Variants in MEIS2 observed in about 807,000 individuals in gnomAD.
MEIS2 encodes the protein Meis homeobox 2.
In MEIS2, 9 loss-of-function variants were observed where a neutral mutation model predicts 58.6. The observed-to-expected ratio is 0.15, with a 90% CI of 0.09 to 0.27. The LOEUF (loss-of-function observed/expected upper bound fraction) is 0.27, where lower values mean the gene tolerates loss of function less well. Among genes scored for constraint, MEIS2 ranks in the 10% least tolerant of loss-of-function variants. MEIS2 has a pLI of 1.00. For synonymous variants in MEIS2, 221 were observed against 228.4 expected, an observed-to-expected ratio of 0.97 and a Z score of 0.29; for missense variants, 427 against 635.0, an observed-to-expected ratio of 0.67 and a Z score of 3.52.
intron 9 of MEIS2, chr15:36,897,073 T>G: frequency 5.2e-6 from 1 of 190,874 alleles, no homozygotes; most frequent in East Asian, 1.3e-4. Context: ...CAGCTGGTCA[T>G]AAATGGAGAC....
At chr15:36,912,067 A>C (rs2057054672) in intron 9 of MEIS2, among the ~76,000 whole-genome samples, 1 of 152,150 alleles carries the variant, frequency 6.6e-6, no homozygotes, top group South Asian at 2.1e-4. Context: ...GGATAAAAAA[A>C]CCTCATGACC....
chr15:36,953,054 T>A (rs1039051677), intron 8 of MEIS2, among the ~76,000 whole-genome samples: 1 of 152,182 alleles, frequency 6.6e-6, no homozygotes, highest in Non-Finnish European at 1.5e-5. Context: ...CATGATTCCA[T>A]GCCCCTTTTA....
intron 7 of MEIS2, among the ~76,000 whole-genome samples, chr15:37,064,329 T>A (rs889342708): frequency 6.7e-6 from 1 of 150,288 alleles, no homozygotes; most frequent in African/African-American, 2.5e-5. Flanking sequence ...AAGAAATCTC[T>A]ATTTTTTCTA....
chr15:37,065,980 G>A (rs1889874724), intron 7 of MEIS2, among the ~76,000 whole-genome samples: 1 of 152,148 alleles, frequency 6.6e-6, no homozygotes, highest in African/African-American at 2.4e-5. Flanking sequence ...GTTTTGGAAA[G>A]TCCCACAAGA....
At chr15:36,905,362 T>C (rs2056679751) in intron 9 of MEIS2, among the ~76,000 whole-genome samples, 1 of 152,138 alleles carries the variant, frequency 6.6e-6, no homozygotes, top group Admixed American at 6.5e-5. Flanking sequence ...TGTTCTAGTG[T>C]TTGCTCCCTT....
At chr15:36,998,015 T>C (rs982951933) in intron 8 of MEIS2, among the ~76,000 whole-genome samples, 1 of 152,126 alleles carries the variant, frequency 6.6e-6, no homozygotes, top group East Asian at 1.9e-4. Flanking sequence ...CACATGGAAA[T>C]CCTTCAAACA....
At chr15:37,037,996 T>C (rs2062234804) in intron 7 of MEIS2, among the ~76,000 whole-genome samples, 1 of 152,212 alleles carries the variant, frequency 6.6e-6, no homozygotes, top group African/African-American at 2.4e-5. Context: ...TTGCACATCA[T>C]TAGCCTGGAG....
intron 9 of MEIS2, among the ~76,000 whole-genome samples, chr15:36,943,826 C>T (rs2058461457): frequency 6.6e-6 from 1 of 152,034 alleles, no homozygotes; most frequent in Non-Finnish European, 1.5e-5. Context: ...CAGCAAACCT[C>T]CCCTTTGAGT....
chr15:36,896,884 A>G (rs2056206245), intron 9 of MEIS2, 198 bp from the exon 10 acceptor site: 2 of 540,898 alleles, frequency 3.7e-6, no homozygotes. Flanking sequence ...AGTCAACTCC[A>G]AAACAACTTG....
At chr15:37,065,929 G>A (rs941083867) in intron 7 of MEIS2, among the ~76,000 whole-genome samples, 9 of 152,094 alleles carry the variant, frequency 5.9e-5, no homozygotes, top group African/African-American at 2.2e-4. Context: ...ACACAAATAA[G>A]CATTTTTACT....
intron 9 of MEIS2, among the ~76,000 whole-genome samples, chr15:36,950,051 A>C (rs1459521722): frequency 6.6e-6 from 1 of 151,906 alleles, no homozygotes; most frequent in African/African-American, 2.4e-5. Flanking sequence ...AGCATCAGAG[A>C]TGGGAAAAGT....
chr15:37,074,840 T>C (rs1891168968), intron 7 of MEIS2, among the ~76,000 whole-genome samples: 1 of 152,036 alleles, frequency 6.6e-6, no homozygotes, highest in Non-Finnish European at 1.5e-5. Flanking sequence ...ATCATGACTT[T>C]TGAGCATAGG....
chr15:36,893,276 G>A (rs753212491), intron 11 of MEIS2, among the ~76,000 whole-genome samples: 7 of 152,112 alleles, frequency 4.6e-5, no homozygotes, highest in Admixed American at 2.6e-4. Flanking sequence ...GCACATCCCC[G>A]GATCTAAAAG....
At chr15:37,096,735 G>A (rs1894301828) in intron 2 of MEIS2, among the ~76,000 whole-genome samples, 1 of 152,054 alleles carries the variant, frequency 6.6e-6, no homozygotes, top group Non-Finnish European at 1.5e-5. Flanking sequence ...AGACGCTCAG[G>A]CAGTCTGGAG....
intron 8 of MEIS2, among the ~76,000 whole-genome samples, chr15:36,995,991 A>ATGTGTGTGTGTG (rs1567159991): frequency 2.0e-5 from 1 of 50,054 alleles, no homozygotes; most frequent in African/African-American, 5.1e-5. Context: ...ATATATATAT[A>ATGTGTGTGTGTG]TATATATATA....
intron 8 of MEIS2, among the ~76,000 whole-genome samples, chr15:36,995,968 T>TAC (rs2060482774): frequency 1.6e-4 from 1 of 6,158 alleles, no homozygotes; most frequent in South Asian, 9.1e-3. Context: ...TATATATATA[T>TAC]ATATATATAT....
intron 7 of MEIS2, among the ~76,000 whole-genome samples, chr15:37,078,126 C>T (rs1490415253): frequency 9.2e-5 from 14 of 152,028 alleles, no homozygotes; most frequent in Admixed American, 9.2e-4. Flanking sequence ...AATTACCCCA[C>T]CCAGTGAAAA....
intron 9 of MEIS2, among the ~76,000 whole-genome samples, chr15:36,906,700 GACTTA>G (rs1267150937): frequency 6.6e-6 from 1 of 151,148 alleles, no homozygotes; most frequent in East Asian, 1.9e-4. Flanking sequence ...AAAAGGTAGG[GACTTA>G]ACTTCAAAAC....
At chr15:36,955,515 G>A (rs953184899) in intron 8 of MEIS2, among the ~76,000 whole-genome samples, 2 of 152,144 alleles carry the variant, frequency 1.3e-5, no homozygotes, top group African/African-American at 4.8e-5. Flanking sequence ...GACTGTGCTT[G>A]GGACGCAGTC....
Sources: allele counts gnomAD v4.1 joint callset (sites outside exome capture counted in the v4.1 genomes callset), GRCh38; gene constraint gnomAD v4.1.1; transcripts MANE v1.5; gene names NCBI Gene and HGNC (gene_info 2026-07-23, HGNC 2026-07-21).